GMNC: variants seen among roughly 807,000 people sequenced by gnomAD.
GMNC encodes the protein geminin coiled-coil domain containing.
A neutral mutation model predicts 33.6 loss-of-function variants in GMNC; 16 were observed. The ratio of observed to expected loss-of-function variants is 0.48; its 90% CI spans 0.32 to 0.72. GMNC has a LOEUF of 0.72. Ranked by LOEUF, GMNC falls within the 30% of genes least tolerant of loss-of-function variation. The probability of loss-of-function intolerance (pLI) is 0.03; values close to 1 mark genes in which losing one functional copy is unlikely to be tolerated. For missense variants in GMNC, 393 were observed against 388.9 expected (o/e 1.01, Z -0.09); for synonymous variants, 156 against 147.3 (o/e 1.06, Z -0.43).
At chr3:190,859,903 G>T in intron 2 of GMNC, 1 of 420,906 alleles carries the variant, frequency 2.4e-6, no homozygotes, top group Non-Finnish European at 4.8e-6. Context: ...ACATTCTTGG[G>T]CATTTTGTTT....
At chr3:190,846,420 T>C in the GMNC span, among the ~76,000 whole-genome samples, 1 of 152,298 alleles carries the variant, frequency 6.6e-6, no homozygotes, top group African/African-American at 2.4e-5. Flanking sequence ...ATTATAAACT[T>C]ACTGTTTGAT....
chr3:190,853,541 T>G lies in GMNC; in HGVS notation c.*1754A>C, dbSNP rs1737670961. ...AACTTTATAAAACAGACCCTTTGCT[T>G]ACATCACCAAAATAAAGCAACAACC... On this transcript the variant is annotated 3_prime_UTR_variant, in exon 5 of 5. Transcript: ENST00000442080. The G allele has an allele frequency of 1.3e-5, 2 of 152,078 alleles. No individual in the cohort carries two copies. Among genetic ancestry groups the G allele is most frequent in the African/African-American group, 2.4e-5 (1 of 41,412 alleles). The allele number at this position is 152,078 out of a possible 1,614,324, so 9.4% of individuals were successfully genotyped here.
chr3:190,851,278 G>A (rs956204436), downstream of GMNC, among the ~76,000 whole-genome samples: 2 of 152,344 alleles, frequency 1.3e-5, no homozygotes, highest in South Asian at 4.1e-4. Flanking sequence ...CACAAAACTA[G>A]AGAATATTTT....
chr3:190,859,362 C>G (rs768381445), intron 2 of GMNC, among the ~76,000 whole-genome samples: 9 of 151,902 alleles, frequency 5.9e-5, no homozygotes, highest in African/African-American at 2.2e-4. Context: ...CCCCCAAACT[C>G]GGCATAACAT....
chr3:190,843,598 G>A, the GMNC span, among the ~76,000 whole-genome samples: 8 of 152,058 alleles, frequency 5.3e-5, no homozygotes, highest in African/African-American at 1.9e-4. Context: ...AGGAAATTGT[G>A]TCCCAGGCTC....
chr3:190,860,414 C>T (rs1390265937), intron 2 of GMNC, among the ~76,000 whole-genome samples: 2 of 152,186 alleles, frequency 1.3e-5, no homozygotes, highest in African/African-American at 4.8e-5. Context: ...GATCCAGACT[C>T]ACACTCCCTC....
rs754594580 is a variant in GMNC, at chr3:190,855,399, G to C, written c.901C>G (p.Pro301Ala). ...GAATGAGTTTTCACATTACAATGAGGGCTCAGGGATGTGGAAAATGCCATC... is the reference window on the plus strand; with the variant it reads ...GAATGAGTTTTCACATTACAATGAGCGCTCAGGGATGTGGAAAATGCCATC... ...TEMAFSTSLS[P>A]HCNVKTHSFH... is the part of the protein sequence containing the mutation. Residue 301 changes from proline to alanine, a missense_variant, in exon 5 of 5, where the codon CCT becomes GCT. Pro to Ala is a conservative substitution (Grantham distance 27). Transcript: ENST00000442080. 6.4e-7 allele frequency: 1 copy of C among 1,551,984 alleles called. No individual in the cohort carries two copies. Among genetic ancestry groups the C allele is most frequent in the African/African-American group, 1.4e-5 (1 of 73,110 alleles).
rs754594580 is a variant in GMNC, at chr3:190,855,399, G to A, written c.901C>T (p.Pro301Ser). 1 of 1,551,984 alleles carries A rather than the reference G, an allele frequency of 6.4e-7. No individual in the cohort carries two copies. The highest frequency in any genetic ancestry group is 8.7e-7 in the Non-Finnish European group (1 of 1,146,972). The change falls in exon 5 of 5, where the codon CCT becomes TCT. Residue 301 changes from proline (P) to serine (S), a missense_variant. Coordinates refer to ENST00000442080, the MANE Select transcript of GMNC (RefSeq NM_001146686.3). ...GAATGAGTTTTCACATTACAATGAGGGCTCAGGGATGTGGAAAATGCCATC... is the reference window on the plus strand; with the variant it reads ...GAATGAGTTTTCACATTACAATGAGAGCTCAGGGATGTGGAAAATGCCATC... ...TEMAFSTSLSPHCNVKTHSFH... is the reference protein window; with the variant it reads ...TEMAFSTSLSSHCNVKTHSFH...
chr3:190,843,336 C>A, the GMNC span, among the ~76,000 whole-genome samples: 5 of 151,924 alleles, frequency 3.3e-5, no homozygotes, highest in African/African-American at 1.2e-4. Flanking sequence ...TGATGTTGAA[C>A]ACAGTATTAC....
the GMNC span, among the ~76,000 whole-genome samples, chr3:190,843,812 A>G: frequency 6.6e-6 from 1 of 152,182 alleles, no homozygotes; most frequent in African/African-American, 2.4e-5. Context: ...ATCTTTCTCC[A>G]CATTTCTTGA....
At position 190,862,345 on chromosome 3, in the gene GMNC, A is replaced by C. The variant is rs1737888319; in HGVS notation, c.3+268T>G. Among the ~76,000 whole-genome samples the C allele has an allele frequency of 6.8e-6, 1 of 147,612 alleles. No individual in the cohort carries two copies. Among genetic ancestry groups the C allele is most frequent in the South Asian group, 2.2e-4 (1 of 4,612 alleles). ...GGGGGAAGTTGGGGAGAAAGTAAGG[A>C]AAGTAGTAATAACAGAAAGAGAGAG... On this transcript the variant is annotated intron_variant, in intron 1 of 4. Coordinates refer to ENST00000442080, the MANE Select transcript of GMNC (RefSeq NM_001146686.3). The surrounding 1 kb of genome is among the most constrained non-coding windows in gnomAD (Gnocchi z 4.5).
chr3:190,855,894 A>T lies in GMNC; in HGVS notation c.406T>A (p.Phe136Ile). 1.3e-6 allele frequency: 2 copies of T among 1,550,244 alleles called. No homozygotes were observed. The highest frequency in any genetic ancestry group is 1.2e-5 in the South Asian group (1 of 83,954). Residue 136 changes from phenylalanine (F) to isoleucine (I), a missense_variant, in exon 5 of 5, where the codon TTC (phenylalanine) becomes ATC (isoleucine). Coordinates refer to ENST00000442080, the MANE Select transcript of GMNC (RefSeq NM_001146686.3). ...CTGAATTTTCCATATGCTTTGGAGA[A>T]CTCATCAGATGAGAGCAATTTCTAG... ...KAKKLLSSDE[F>I]SKAYGKFRKG...
At chr3:190,860,982 GA>G in intron 1 of GMNC, 124 bp from the exon 2 acceptor site, 2 of 661,504 alleles carry the variant, frequency 3.0e-6, no homozygotes, top group Non-Finnish European at 5.0e-6. Flanking sequence ...AAAAAAATCA[GA>G]AAAGGTGTTA....
the GMNC span, among the ~76,000 whole-genome samples, chr3:190,843,770 A>G: frequency 6.6e-6 from 1 of 152,160 alleles, no homozygotes; most frequent in South Asian, 2.1e-4. Context: ...AGTGTACTTT[A>G]TTGCATTTCC....
chr3:190,855,924 G>T lies in GMNC; in HGVS notation c.385-9C>A. 1 of 1,514,116 alleles carries T rather than the reference G, an allele frequency of 6.6e-7. No homozygotes were observed. 93.8% of individuals were successfully genotyped at this position (1,514,116 alleles called of 1,614,324 possible). On this transcript the variant is annotated splice_polypyrimidine_tract_variant and intron_variant, in intron 4 of 4. Transcript: ENST00000442080. The stretch of plus-strand genomic sequence containing the variant: ...TCAGATGAGAGCAATTTCTAGGGAA[G>T]TGATATTTGAAAGTTATACTTTTTT...
In GMNC at chr3:190,861,836, T is replaced by C. The variant is rs1737878465; in HGVS notation, c.3+777A>G. Among the ~76,000 whole-genome samples the C allele has an allele frequency of 6.6e-6, 1 of 152,152 alleles. No homozygotes were observed. The highest frequency in any genetic ancestry group is 1.5e-5 in the Non-Finnish European group (1 of 68,032). ...TTGTACAACACCAAATTTAAATTAT[T>C]TGTCAATGTTTAATCAGGTAAAAGC... On this transcript the variant is annotated intron_variant, in intron 1 of 4. Coordinates refer to ENST00000442080, the MANE Select transcript of GMNC (RefSeq NM_001146686.3). The surrounding 1 kb of genome is among the most constrained non-coding windows in gnomAD (Gnocchi z 5.1).
At chr3:190,844,726 A>G in the GMNC span, among the ~76,000 whole-genome samples, 1 of 152,090 alleles carries the variant, frequency 6.6e-6, no homozygotes, top group Admixed American at 6.5e-5. Context: ...AGATTTCTAG[A>G]TGAGCAATAA....
At chr3:190,860,363 A>G (rs1346877615) in intron 2 of GMNC, among the ~76,000 whole-genome samples, 1 of 152,198 alleles carries the variant, frequency 6.6e-6, no homozygotes, top group African/African-American at 2.4e-5. Context: ...TGGTATCCTC[A>G]TTCCAAAGAC....
At chr3:190,847,830 G>A (rs950989715), downstream of GMNC, among the ~76,000 whole-genome samples, 1 of 152,208 alleles carries the variant, frequency 6.6e-6, no homozygotes, top group East Asian at 1.9e-4. Context: ...GAAAGATGAT[G>A]CCCACTACCA....
Sources: gnomAD v4.1 joint callset for allele counts (sites outside exome capture counted in the v4.1 genomes callset) on GRCh38, gnomAD v4.1.1 for gene constraint, Gnocchi (gnomAD v3.1) non-coding constraint, MANE v1.5 for transcripts, NCBI Gene and HGNC (gene_info 2026-07-23, HGNC 2026-07-21) for gene names.